WASF3: variants seen among roughly 807,000 people sequenced by gnomAD.
The protein encoded by WASF3 is WASP family member 3.
Under a neutral mutation model 46.6 loss-of-function variants are expected in WASF3, and 11 were observed. The ratio of observed to expected loss-of-function variants is 0.24; its 90% CI spans 0.15 to 0.39. The LOEUF is 0.39. Ranked by LOEUF, WASF3 falls within the 10% of genes least tolerant of loss-of-function variation. The probability of loss-of-function intolerance (pLI) is 1.00; values close to 1 mark genes in which losing one functional copy is unlikely to be tolerated. For synonymous variants in WASF3, 242 were observed against 259.7 expected, an observed-to-expected ratio of 0.93 and a Z score of 0.65; for missense variants, 576 against 669.8, an observed-to-expected ratio of 0.86 and a Z score of 1.55.
At chr13:26,655,883 G>C (rs1452571117) in intron 3 of WASF3, among the ~76,000 whole-genome samples, 2 of 152,074 alleles carry the variant, frequency 1.3e-5, no homozygotes, top group Non-Finnish European at 2.9e-5. Flanking sequence ...CGGAAGTAAA[G>C]TCCTTTGAGT....
chr13:26,601,890 T>A lies in WASF3; in HGVS notation c.-108-11071T>A, dbSNP rs1880652727. On this transcript the variant is annotated intron_variant, in intron 1 of 9. Transcript: ENST00000335327. ...CAAATGCAAAGATATCATCACTTCC[T>A]TTTTGCCAAGAGTGGGCTGAGTAAA... 2.6e-5 allele frequency among the ~76,000 whole-genome samples: 4 copies of A among 152,216 alleles called. No individual in the cohort carries two copies. In the South Asian group the frequency reaches 8.3e-4, roughly 31 times the overall value.
In WASF3 at chr13:26,683,017, G is replaced by A. The variant is rs371076930; in HGVS notation, c.1351+43G>A. On this transcript the variant is annotated intron_variant, in intron 9 of 9. Transcript: ENST00000335327. ...ACACACAGCCTGCCTTTCAGCAAGA[G>A]GTTTCTTCATGTCTCCAGCCAGCTA... is the stretch of plus-strand genomic sequence containing the variant. The A allele has an allele frequency of 8.3e-6, 13 of 1,567,958 alleles. No homozygotes were observed. In the African/African-American group the frequency reaches 1.6e-4, roughly 20 times the overall value.
At chr13:26,559,517 ACCT>A (rs1239586118) in intron 1 of WASF3, among the ~76,000 whole-genome samples, 2 of 152,164 alleles carry the variant, frequency 1.3e-5, no homozygotes, top group African/African-American at 2.4e-5. Context: ...CAACATTGTA[ACCT>A]CCTATCTCTT....
At chr13:26,540,099 C>G in the WASF3 span, among the ~76,000 whole-genome samples, 1 of 152,144 alleles carries the variant, frequency 6.6e-6, no homozygotes, top group African/African-American at 2.4e-5. Flanking sequence ...CTAAGCCAGA[C>G]AGGTCCCACC....
chr13:26,641,765 T>C (rs1882002973), intron 2 of WASF3, among the ~76,000 whole-genome samples: 1 of 152,180 alleles, frequency 6.6e-6, no homozygotes, highest in Admixed American at 6.5e-5. Context: ...GATGGTTGCC[T>C]GAGAAAGCAA....
chr13:26,605,961 A>G (rs1338421853), intron 1 of WASF3, among the ~76,000 whole-genome samples: 1 of 152,134 alleles, frequency 6.6e-6, no homozygotes, highest in Admixed American at 6.5e-5. Context: ...ACATTGATTG[A>G]GAGGGTGCCA....
At chr13:26,642,142 C>A in intron 2 of WASF3, 119 bp from the exon 3 acceptor site, 1 of 1,138,934 alleles carries the variant, frequency 8.8e-7, no homozygotes, top group Non-Finnish European at 1.2e-6. Context: ...GATTCTGTCA[C>A]ATAGAAATTT....
At chr13:26,549,625 G>A in the WASF3 span, among the ~76,000 whole-genome samples, 1 of 152,210 alleles carries the variant, frequency 6.6e-6, no homozygotes, top group Non-Finnish European at 1.5e-5. Flanking sequence ...TGCGACTCCA[G>A]GCAAGTCATT....
chr13:26,576,934 G>A (rs1417302090), intron 1 of WASF3: 2 of 772,924 alleles, frequency 2.6e-6, no homozygotes, highest in African/African-American at 3.4e-5. Context: ...CAAAAAGGGA[G>A]CCAAGAAGAA....
At chr13:26,630,715 G>T (rs1309000180) in intron 2 of WASF3, among the ~76,000 whole-genome samples, 2 of 152,188 alleles carry the variant, frequency 1.3e-5, no homozygotes, top group Non-Finnish European at 2.9e-5. Flanking sequence ...TCTAGTTCTA[G>T]ATCCTTGAGG....
intron 3 of WASF3, among the ~76,000 whole-genome samples, chr13:26,648,224 A>T (rs1882208956): frequency 6.6e-6 from 1 of 152,178 alleles, no homozygotes; most frequent in South Asian, 2.1e-4. Context: ...GACTCCATTA[A>T]TTTTAAATAT....
the WASF3 span, among the ~76,000 whole-genome samples, chr13:26,542,586 G>A: frequency 3.3e-5 from 5 of 152,188 alleles, no homozygotes; most frequent in African/African-American, 9.7e-5. Context: ...TTGCCAGAGA[G>A]CCACAGAATC....
intron 2 of WASF3, among the ~76,000 whole-genome samples, chr13:26,634,893 G>A (rs581406): frequency 0.31 from 47,141 of 151,980 alleles, 7,719 homozygotes; most frequent in East Asian, 0.58. Flanking sequence ...TGGGTAACCC[G>A]ACCTTTCTCT....
intron 2 of WASF3, chr13:26,619,176 A>C (rs1030178024): frequency 6.6e-6 from 1 of 152,250 alleles, no homozygotes; most frequent in Non-Finnish European, 1.5e-5. Context: ...AGCTAAGGTT[A>C]TGCACATACA....
At chr13:26,647,272 A>AT (rs1467823238) in intron 3 of WASF3, among the ~76,000 whole-genome samples, 34 of 152,232 alleles carry the variant, frequency 2.2e-4, no homozygotes, top group Non-Finnish European at 4.3e-4. Context: ...TAATTTTCAG[A>AT]TTTTTTTCTT....
At chr13:26,642,439 A>G in intron 3 of WASF3, 36 bp downstream of exon 3, 1 of 1,551,270 alleles carries the variant, frequency 6.4e-7, no homozygotes, top group Non-Finnish European at 8.7e-7. Flanking sequence ...AATGACATTA[A>G]CTTTTTGTTA....
At chr13:26,593,581 T>G (rs888330911) in intron 1 of WASF3, among the ~76,000 whole-genome samples, 1 of 152,236 alleles carries the variant, frequency 6.6e-6, no homozygotes, top group Non-Finnish European at 1.5e-5. Flanking sequence ...TGCCTTAGCA[T>G]TTATTTCATG....
At chr13:26,668,240 T>C (rs1186335514) in intron 5 of WASF3, among the ~76,000 whole-genome samples, 2 of 152,154 alleles carry the variant, frequency 1.3e-5, no homozygotes, top group South Asian at 2.1e-4. Flanking sequence ...AAAAATAATA[T>C]GAAGAGACTA....
At chr13:26,572,469 C>T (rs1488298738) in intron 1 of WASF3, among the ~76,000 whole-genome samples, 2 of 152,016 alleles carry the variant, frequency 1.3e-5, no homozygotes, top group Non-Finnish European at 2.9e-5. Context: ...GCTTTTTTGG[C>T]CTCCTGTGGA....
Sources: gnomAD v4.1 joint callset for allele counts (sites outside exome capture counted in the v4.1 genomes callset) on GRCh38, gnomAD v4.1.1 for gene constraint, MANE v1.5 for transcripts, NCBI Gene and HGNC (gene_info 2026-07-23, HGNC 2026-07-21) for gene names.